The following CLDN16 variants were observed in gnomAD, a reference collection of about 807,000 sequenced individuals.
The protein encoded by CLDN16 is claudin-16.
CLDN16 carries 13 observed loss-of-function variants against 24.6 expected under a neutral mutation model. That is an observed-to-expected ratio of 0.53 (90% confidence interval 0.34 to 0.84). The LOEUF (loss-of-function observed/expected upper bound fraction) is 0.84, where lower values mean the gene tolerates loss of function less well. Among genes scored for constraint, CLDN16 ranks in the 40% least tolerant of loss-of-function variants. The pLI is 0.01. For missense variants in CLDN16, 298 were observed against 292.7 expected, an observed-to-expected ratio of 1.02 and a Z score of -0.13; for synonymous variants, 116 against 106.7, an observed-to-expected ratio of 1.09 and a Z score of -0.54.
At chr3:190,409,491 A>T (rs1424324860) in intron 4 of CLDN16, among the ~76,000 whole-genome samples, 2 of 152,012 alleles carry the variant, frequency 1.3e-5, no homozygotes, top group Non-Finnish European at 2.9e-5. Context: ...ATATATATAT[A>T]TTTTGATGTA....
intron 1 of CLDN16, among the ~76,000 whole-genome samples, chr3:190,369,364 G>A (rs530944075): frequency 2.0e-5 from 3 of 152,006 alleles, no homozygotes; most frequent in African/African-American, 7.2e-5. Context: ...TAAAGCTATT[G>A]TAGAGCTCAG....
At chr3:190,319,155 C>A (rs1322020283), upstream of CLDN16, among the ~76,000 whole-genome samples, 1 of 152,120 alleles carries the variant, frequency 6.6e-6, no homozygotes, top group Non-Finnish European at 1.5e-5. Flanking sequence ...TAAGAAGAAG[C>A]ATTTAAGCAA....
chr3:190,383,304 G>A (rs562222673), upstream of CLDN16, among the ~76,000 whole-genome samples: 1 of 152,240 alleles, frequency 6.6e-6, no homozygotes, highest in South Asian at 2.1e-4. Context: ...GGGAGTTCTT[G>A]AATCTCACTT....
At chr3:190,365,552 T>C (rs935703310) in intron 1 of CLDN16, among the ~76,000 whole-genome samples, 7 of 148,034 alleles carry the variant, frequency 4.7e-5, no homozygotes, top group African/African-American at 1.0e-4. Context: ...CCATCTTTTT[T>C]CCCAAACTTC....
intron 1 of CLDN16, among the ~76,000 whole-genome samples, chr3:190,343,761 G>T (rs1445234242): frequency 6.6e-6 from 1 of 151,976 alleles, no homozygotes; most frequent in Non-Finnish European, 1.5e-5. Flanking sequence ...AATGGCAGGG[G>T]AGTCAAATCA....
At chr3:190,380,379 A>G (rs1211608932) in intron 3 of CLDN16, among the ~76,000 whole-genome samples, 6 of 152,070 alleles carry the variant, frequency 3.9e-5, no homozygotes, top group African/African-American at 1.4e-4. Context: ...AAGTCCAACA[A>G]AAAGAGAGGA....
chr3:190,384,483 G>T (rs539226076), upstream of CLDN16, among the ~76,000 whole-genome samples: 10 of 152,244 alleles, frequency 6.6e-5, no homozygotes, highest in African/African-American at 2.2e-4. Flanking sequence ...TAGATTAAGG[G>T]TGTCACTCAA....
the CLDN16 span, among the ~76,000 whole-genome samples, chr3:190,316,990 A>G: frequency 3.8e-4 from 58 of 152,292 alleles, 1 homozygote; most frequent in Middle Eastern, 3.4e-3. Flanking sequence ...TAAAGTATGT[A>G]TCTAATGAGC....
intron 2 of CLDN16, among the ~76,000 whole-genome samples, chr3:190,371,764 A>G (rs1015332643): frequency 6.6e-6 from 1 of 152,004 alleles, no homozygotes; most frequent in African/African-American, 2.4e-5. Flanking sequence ...TTCAACTGGC[A>G]GCTGGTAATT....
At chr3:190,308,945 A>G in the CLDN16 span, among the ~76,000 whole-genome samples, 1 of 152,200 alleles carries the variant, frequency 6.6e-6, no homozygotes, top group Admixed American at 6.5e-5. Context: ...TAAGCAGCCC[A>G]TGAACCATTC....
intron 1 of CLDN16, among the ~76,000 whole-genome samples, chr3:190,401,277 A>G (rs1321367457): frequency 2.5e-4 from 7 of 28,550 alleles, no homozygotes; most frequent in African/African-American, 1.6e-3. Flanking sequence ...AAGTGTTCTT[A>G]TGTTTTTTTT....
chr3:190,341,716 T>C (rs1717440499), intron 1 of CLDN16, among the ~76,000 whole-genome samples: 2 of 152,234 alleles, frequency 1.3e-5, no homozygotes, highest in Non-Finnish European at 2.9e-5. Flanking sequence ...AATGAGATTT[T>C]CTTTTCTATT....
chr3:190,291,513 C>T, the CLDN16 span, among the ~76,000 whole-genome samples: 1 of 152,062 alleles, frequency 6.6e-6, no homozygotes, highest in African/African-American at 2.4e-5. Flanking sequence ...ATGGGGGAAA[C>T]CACCTCCATG....
intron 1 of CLDN16, among the ~76,000 whole-genome samples, chr3:190,329,894 A>C (rs1717145684): frequency 6.6e-6 from 1 of 152,156 alleles, no homozygotes; most frequent in Non-Finnish European, 1.5e-5. Context: ...AATGGACTTC[A>C]GGACTGAAGT....
At chr3:190,377,824 T>C (rs1718277357) in intron 3 of CLDN16, among the ~76,000 whole-genome samples, 1 of 151,854 alleles carries the variant, frequency 6.6e-6, no homozygotes, top group Admixed American at 6.6e-5. Flanking sequence ...AGTCTTAGGT[T>C]TCTCGTTAAC....
chr3:190,407,172 T>G (rs945680065), intron 3 of CLDN16, among the ~76,000 whole-genome samples: 28 of 152,182 alleles, frequency 1.8e-4, no homozygotes, highest in Non-Finnish European at 3.5e-4. Flanking sequence ...TATTTTATTT[T>G]ATTTTTTTAG....
At chr3:190,359,753 T>A (rs1372516569) in intron 1 of CLDN16, among the ~76,000 whole-genome samples, 1 of 151,926 alleles carries the variant, frequency 6.6e-6, no homozygotes, top group Non-Finnish European at 1.5e-5. Flanking sequence ...AGAGGATAAA[T>A]TCCCAAAGCA....
the CLDN16 span, among the ~76,000 whole-genome samples, chr3:190,301,493 CA>C: frequency 2.1e-5 from 3 of 143,762 alleles, no homozygotes; most frequent in African/African-American, 5.4e-5. Context: ...GACTCTGTCT[CA>C]AAAAAAAAGA....
chr3:190,300,275 A>T, the CLDN16 span, among the ~76,000 whole-genome samples: 5 of 151,754 alleles, frequency 3.3e-5, no homozygotes, highest in Non-Finnish European at 5.9e-5. Context: ...GTAAATACAG[A>T]GGGGGCATTA....
Sources: gnomAD v4.1 joint callset for allele counts (sites outside exome capture counted in the v4.1 genomes callset) on GRCh38, gnomAD v4.1.1 for gene constraint, MANE v1.5 for transcripts, NCBI Gene and HGNC (gene_info 2026-07-23, HGNC 2026-07-21) for gene names.